PMP22: variants seen among roughly 807,000 people sequenced by gnomAD.
The protein encoded by PMP22 is Charcot-Marie-Tooth neuropathy 1A (greatly reduced nerve conduction velocity, hereditary motor sensory neuropathy Ia).
Under a neutral mutation model 18.9 loss-of-function variants are expected in PMP22, and 2 were observed. The observed-to-expected ratio is 0.11, with a 90% CI of 0.04 to 0.33. The LOEUF (loss-of-function observed/expected upper bound fraction) is 0.33. Ranked by LOEUF, PMP22 falls within the 10% of genes least tolerant of loss-of-function variation. The probability of loss-of-function intolerance (pLI) is 1.00; values close to 1 mark genes in which losing one functional copy is unlikely to be tolerated. For missense variants in PMP22, 169 were observed against 202.2 expected (o/e 0.84, Z 1.00); for synonymous variants, 95 against 89.2 (o/e 1.07, Z -0.37).
chr17:15,241,562 C>G (rs1428406751), intron 3 of PMP22, among the ~76,000 whole-genome samples: 1 of 152,162 alleles, frequency 6.6e-6, no homozygotes, highest in Non-Finnish European at 1.5e-5. Flanking sequence ...CCCCGCGCCC[C>G]TGTCATTTTC....
rs573081756 is a variant in PMP22 at position 15,264,296 on chromosome 17, G to A, written c.-35+858C>T. Among the ~76,000 whole-genome samples the A allele has an allele frequency of 7.9e-5, 12 of 152,144 alleles. 1 individual carries two copies. Among genetic ancestry groups the A allele is most frequent in the Middle Eastern group, 6.8e-3 (2 of 294 alleles). ...AAGATTTATAAATGAAAGTGCATAT[G>A]CAAGTAGAAAAAAAAGTCTAAAGAC... is the stretch of plus-strand genomic sequence containing the variant. On this transcript the variant is annotated intron_variant, in intron 1 of 4. Coordinates refer to ENST00000312280, the MANE Select transcript of PMP22 (RefSeq NM_000304.4).
intron 3 of PMP22, among the ~76,000 whole-genome samples, chr17:15,247,967 A>T (rs1401762715): frequency 6.6e-6 from 1 of 152,204 alleles, no homozygotes; most frequent in East Asian, 1.9e-4. Context: ...CAAACCTCCC[A>T]ACCCACAACC....
intron 4 of PMP22, among the ~76,000 whole-genome samples, chr17:15,238,266 A>G (rs2150674782): frequency 6.6e-6 from 1 of 152,284 alleles, no homozygotes; most frequent in East Asian, 1.9e-4. Context: ...TTAATCATTT[A>G]CTTCCTTTTT....
intron 4 of PMP22, 39 bp from the exon 5 acceptor site, chr17:15,231,119 C>T (rs758122732): frequency 3.1e-6 from 5 of 1,607,622 alleles, no homozygotes; most frequent in Non-Finnish European, 4.3e-6. Flanking sequence ...ACGGAGAGTC[C>T]ATGGCAGAGC....
chr17:15,259,169 C>G lies in PMP22; in HGVS notation c.103G>C (p.Ala35Pro), dbSNP rs750000952. The change falls in exon 3 of 5, where the codon GCA becomes CCA. Residue 35 changes from alanine to proline, a missense_variant. Ala to Pro is a conservative substitution (Grantham distance 27). Transcript: ENST00000312280. Reference protein sequence around the residue: ...VSQWIVGNGHATDLWQNCSTS... With the variant: ...VSQWIVGNGHPTDLWQNCSTS... ...CTACAGTTCTGCCAGAGATCAGTTGCGTGTCCATTGCCCACGATCCATTGC... is the reference window on the plus strand; with the variant it reads ...CTACAGTTCTGCCAGAGATCAGTTGGGTGTCCATTGCCCACGATCCATTGC... 1 of 1,613,454 alleles carries G rather than the reference C, an allele frequency of 6.2e-7. No homozygotes were observed. Among genetic ancestry groups the G allele is most frequent in the East Asian group, 2.2e-5 (1 of 44,882 alleles).
At chr17:15,253,034 G>A (rs1019990740) in intron 3 of PMP22, among the ~76,000 whole-genome samples, 3 of 152,226 alleles carry the variant, frequency 2.0e-5, no homozygotes, top group Middle Eastern at 3.2e-3. Flanking sequence ...AAAACAAAAA[G>A]CACTGGTTCA....
At chr17:15,231,140 C>T in intron 4 of PMP22, 60 bp from the exon 5 acceptor site, 1 of 1,534,370 alleles carries the variant, frequency 6.5e-7, no homozygotes, top group South Asian at 1.1e-5. Flanking sequence ...GGCCCCCTCT[C>T]CGCCACCCCG....
At chr17:15,253,434 T>C (rs972210949) in intron 3 of PMP22, among the ~76,000 whole-genome samples, 1 of 152,014 alleles carries the variant, frequency 6.6e-6, no homozygotes, top group Admixed American at 6.5e-5. Context: ...TCACTGAAAA[T>C]ATACCGATGC....
At chr17:15,234,945 T>A (rs1906669529) in intron 4 of PMP22, among the ~76,000 whole-genome samples, 1 of 152,076 alleles carries the variant, frequency 6.6e-6, no homozygotes, top group East Asian at 1.9e-4. Flanking sequence ...GCCTCCTGAA[T>A]AGCTGGGACC....
chr17:15,232,098 A>G (rs1422972092), intron 4 of PMP22, among the ~76,000 whole-genome samples: 1 of 151,776 alleles, frequency 6.6e-6, no homozygotes, highest in East Asian at 1.9e-4. Flanking sequence ...TGTGGGATTC[A>G]TGCAGTTCCA....
chr17:15,260,960 T>TGCCCAGC (rs1909289791), intron 1 of PMP22, 199 bp from the exon 2 acceptor site: 1 of 340,152 alleles, frequency 2.9e-6, no homozygotes, highest in South Asian at 1.0e-4. Context: ...CAGCGCCCAG[T>TGCCCAGC]GCCCAGCGCC....
intron 3 of PMP22, among the ~76,000 whole-genome samples, chr17:15,248,735 A>G (rs1908059853): frequency 3.3e-5 from 5 of 152,218 alleles, no homozygotes; most frequent in Admixed American, 2.0e-4. Context: ...TGTACGATGA[A>G]GGATATCAAT....
At chr17:15,244,954 A>C (rs1309636858) in intron 3 of PMP22, among the ~76,000 whole-genome samples, 1 of 152,234 alleles carries the variant, frequency 6.6e-6, no homozygotes, top group Non-Finnish European at 1.5e-5. Context: ...CACTCTATTG[A>C]CTTACTAAGA....
chr17:15,257,195 TA>T (rs1445768349), intron 3 of PMP22, among the ~76,000 whole-genome samples: 1 of 152,196 alleles, frequency 6.6e-6, no homozygotes, highest in Non-Finnish European at 1.5e-5. Context: ...CTGATTAAAA[TA>T]ACCCTAGTGC....
intron 4 of PMP22, 79 bp downstream of exon 4, chr17:15,239,392 A>G (rs751526587): frequency 6.6e-7 from 1 of 1,504,028 alleles, no homozygotes. Context: ...TTCTGAGGCC[A>G]CATCCTTCTA....
chr17:15,259,067 G>A, intron 3 of PMP22, 27 bp downstream of exon 3: 1 of 1,514,266 alleles, frequency 6.6e-7, no homozygotes. Flanking sequence ...CTGAGGACAA[G>A]CTCATGGAGC....
chr17:15,237,897 T>C (rs969531368), intron 4 of PMP22, among the ~76,000 whole-genome samples: 13 of 152,106 alleles, frequency 8.5e-5, no homozygotes, highest in African/African-American at 3.1e-4. Flanking sequence ...TAGAAATACA[T>C]TATGAAAGTT....
At chr17:15,259,952 A>G (rs922476779) in intron 2 of PMP22, among the ~76,000 whole-genome samples, 7 of 151,264 alleles carry the variant, frequency 4.6e-5, no homozygotes, top group Admixed American at 6.6e-5. Flanking sequence ...AAAAAAAAAA[A>G]AAAGAAAAGA....
At chr17:15,243,028 C>T (rs1907488465) in intron 3 of PMP22, among the ~76,000 whole-genome samples, 1 of 151,986 alleles carries the variant, frequency 6.6e-6, no homozygotes, top group East Asian at 1.9e-4. Flanking sequence ...TGGGTTGTAA[C>T]CAAAGCAGTT....
Sources: allele counts gnomAD v4.1 joint callset (sites outside exome capture counted in the v4.1 genomes callset), GRCh38; gene constraint gnomAD v4.1.1; transcripts MANE v1.5; gene names NCBI Gene and HGNC (gene_info 2026-07-23, HGNC 2026-07-21).